ELOVL2: variants seen among roughly 807,000 people sequenced by gnomAD.
ELOVL2 encodes ELOVL fatty acid elongase 2.
ELOVL2 carries 38 observed loss-of-function variants against 37.7 expected under a neutral mutation model. That is an observed-to-expected ratio of 1.01 (90% CI 0.78 to 1.32). The LOEUF (loss-of-function observed/expected upper bound fraction) is 1.32. ELOVL2 is among the 40% of genes most tolerant of loss of function. The pLI, the probability that ELOVL2 is intolerant of heterozygous loss-of-function variation, is 0.00. For missense variants in ELOVL2, 352 were observed against 363.6 expected (o/e 0.97, Z 0.26); for synonymous variants, 115 against 122.3 (o/e 0.94, Z 0.40).
chr6:11,026,928 TAC>T (rs981509737), intron 1 of ELOVL2, among the ~76,000 whole-genome samples: 83 of 152,328 alleles, frequency 5.4e-4, no homozygotes, highest in African/African-American at 1.9e-3. Context: ...GAAATATGCA[TAC>T]AGTGTGGAAT....
rs1782498371 is a variant in ELOVL2 at position 11,007,371 on chromosome 6, TAAG to T, written c.68-1815_68-1813del. On this transcript the variant is annotated intron_variant, in intron 2 of 7. Transcript: ENST00000354666. ...CCTAAGCCAATGACTAGTGTCCTTA[TAAG>T]AAGGAGAGGTCTGAATACAAGGACA... is the stretch of plus-strand genomic sequence containing the variant. Among the ~76,000 whole-genome samples, 6 of 152,268 alleles carry T rather than the reference TAAG, an allele frequency of 3.9e-5. No individual in the cohort carries two copies. In the South Asian group the frequency reaches 8.3e-4, roughly 21 times the overall value.
chr6:11,027,665 G>A (rs1187112259), intron 1 of ELOVL2, among the ~76,000 whole-genome samples: 1 of 151,992 alleles, frequency 6.6e-6, no homozygotes, highest in Non-Finnish European at 1.5e-5. Flanking sequence ...TTTGATTAGA[G>A]GTATTAATTC....
chr6:10,994,912 G>A, intron 5 of ELOVL2, 95 bp downstream of exon 5: 1 of 1,005,530 alleles, frequency 9.9e-7, no homozygotes, highest in East Asian at 2.7e-5. Context: ...CTCCCTTCAT[G>A]CTCTCCTGAT....
intron 1 of ELOVL2, among the ~76,000 whole-genome samples, chr6:11,018,867 T>G (rs749988292): frequency 1.3e-5 from 2 of 152,214 alleles, no homozygotes; most frequent in Non-Finnish European, 2.9e-5. Context: ...ATATAACCAT[T>G]AATTTCAAAG....
chr6:10,997,129 T>C (rs1345236250), intron 4 of ELOVL2, among the ~76,000 whole-genome samples: 1 of 152,216 alleles, frequency 6.6e-6, no homozygotes, highest in Non-Finnish European at 1.5e-5. Flanking sequence ...GCAAGGAGAA[T>C]AAGTCAAATG....
intron 7 of ELOVL2, among the ~76,000 whole-genome samples, chr6:10,984,559 G>C (rs1303706248): frequency 7.6e-6 from 1 of 132,450 alleles, no homozygotes; most frequent in Non-Finnish European, 1.5e-5. Context: ...CCCTTCCTGT[G>C]TCCATGTGTT....
intron 7 of ELOVL2, among the ~76,000 whole-genome samples, chr6:10,985,211 TG>T (rs1389334990): frequency 1.3e-5 from 2 of 151,896 alleles, no homozygotes; most frequent in African/African-American, 4.8e-5. Context: ...TTGATGGGGT[TG>T]TTTTTTTCTT....
At position 11,037,182 on chromosome 6, in the gene ELOVL2, A is replaced by G. The variant is rs540526832; in HGVS notation, c.3+7046T>C. On this transcript the variant is annotated intron_variant, in intron 1 of 7. Transcript: ENST00000354666. ...AGAGGGAAAGAGACAAGAGAGGCAGAGAGGGAAAGAGAGAGGCAGAGAGGG... is the reference window on the plus strand; with the variant it reads ...AGAGGGAAAGAGACAAGAGAGGCAGGGAGGGAAAGAGAGAGGCAGAGAGGG... 2.4e-4 allele frequency among the ~76,000 whole-genome samples: 36 copies of G among 149,546 alleles called. No homozygotes were observed. In the East Asian group the frequency reaches 4.8e-3, roughly 20 times the overall value.
intron 1 of ELOVL2, among the ~76,000 whole-genome samples, chr6:11,028,348 G>A (rs528954962): frequency 1.3e-5 from 2 of 152,280 alleles, no homozygotes; most frequent in South Asian, 4.1e-4. Flanking sequence ...CTGTTAATCT[G>A]ACTCTTTAGT....
chr6:10,983,641 T>G lies in ELOVL2; in HGVS notation c.*140A>C. ...AACAGATTAACCTAATAGCAATATATTAATACATTCTGGGTACAAATGATT... is the reference window on the plus strand; with the variant it reads ...AACAGATTAACCTAATAGCAATATAGTAATACATTCTGGGTACAAATGATT... On this transcript the variant is annotated 3_prime_UTR_variant, in exon 8 of 8. Coordinates refer to ENST00000354666, the MANE Select transcript of ELOVL2 (RefSeq NM_017770.4). 1 of 937,898 alleles carries G rather than the reference T, an allele frequency of 1.1e-6. No individual in the cohort carries two copies. Among genetic ancestry groups the G allele is most frequent in the South Asian group, 1.9e-5 (1 of 53,762 alleles). 58.1% of individuals were successfully genotyped at this position (937,898 alleles called of 1,614,324 possible). A position where few individuals can be genotyped will look rare whatever the true frequency, so the allele number is the denominator to read the frequency against.
At chr6:10,990,208 A>T (rs1482953477) in intron 6 of ELOVL2, 110 bp downstream of exon 6, 2 of 1,418,746 alleles carry the variant, frequency 1.4e-6, no homozygotes, top group African/African-American at 2.9e-5. Context: ...TTTTGGAAAA[A>T]AAATGGGCAG....
intron 1 of ELOVL2, among the ~76,000 whole-genome samples, chr6:11,027,471 C>G (rs570275950): frequency 6.6e-6 from 1 of 152,302 alleles, no homozygotes; most frequent in East Asian, 1.9e-4. Flanking sequence ...ACTGGAAAGA[C>G]TTCTTACTAC....
rs748114809 is a variant in ELOVL2, at chr6:10,995,096, G to A, written c.416C>T (p.Thr139Met). The A allele has an allele frequency of 6.2e-6, 10 of 1,612,570 alleles. No individual in the cohort carries two copies. The highest frequency in any genetic ancestry group is 5.9e-6 in the Non-Finnish European group (7 of 1,178,910). The change falls in exon 5 of 8, where the codon ACG (threonine) becomes ATG (methionine). Residue 139 changes from threonine to methionine, a missense_variant. Transcript: ENST00000354666. ...TACATGAAGAAAAGTAATCTGACTC[G>A]TTTTTTTCCGCAAAACGAAGAAAAT... The part of the protein sequence containing the change: ...DTIFFVLRKK[T>M]SQITFLHVYH...
At chr6:10,986,545 G>C (rs1245880268) in intron 7 of ELOVL2, among the ~76,000 whole-genome samples, 1 of 152,154 alleles carries the variant, frequency 6.6e-6, no homozygotes, top group Non-Finnish European at 1.5e-5. Context: ...TTTACTGAGA[G>C]TTTTTAGCAT....
At chr6:11,011,665 T>G (rs764316652) in intron 1 of ELOVL2, among the ~76,000 whole-genome samples, 1 of 152,354 alleles carries the variant, frequency 6.6e-6, no homozygotes, top group East Asian at 1.9e-4. Flanking sequence ...TTCAAACTAT[T>G]TCTTACACAT....
intron 7 of ELOVL2, among the ~76,000 whole-genome samples, chr6:10,988,225 C>T (rs925840174): frequency 6.6e-6 from 1 of 152,212 alleles, no homozygotes; most frequent in African/African-American, 2.4e-5. Flanking sequence ...AAATACAAGA[C>T]CTGAAAAGCT....
At chr6:11,010,105 ACT>A (rs1782549177) in intron 2 of ELOVL2, among the ~76,000 whole-genome samples, 1 of 150,296 alleles carries the variant, frequency 6.7e-6, no homozygotes, top group Non-Finnish European at 1.5e-5. Flanking sequence ...CTCACTGCAA[ACT>A]CTGCCTCCTG....
At chr6:11,015,587 A>T (rs1475586244) in intron 1 of ELOVL2, 1 of 152,226 alleles carries the variant, frequency 6.6e-6, no homozygotes, top group Non-Finnish European at 1.5e-5. Context: ...TAAATACACC[A>T]CTTGGAGGTA....
chr6:11,020,192 A>G (rs888755831), intron 1 of ELOVL2, among the ~76,000 whole-genome samples: 1 of 152,224 alleles, frequency 6.6e-6, no homozygotes, highest in African/African-American at 2.4e-5. Context: ...TTAAAAAAAA[A>G]ATCAGTTTCC....
Sources: gnomAD v4.1 joint callset for allele counts (sites outside exome capture counted in the v4.1 genomes callset) on GRCh38, gnomAD v4.1.1 for gene constraint, MANE v1.5 for transcripts, NCBI Gene and HGNC (gene_info 2026-07-23, HGNC 2026-07-21) for gene names.